PPP2R3C: variants seen among roughly 807,000 people sequenced by gnomAD.
The protein encoded by PPP2R3C is protein phosphatase 2 regulatory subunit B''gamma, also known as serine/threonine-protein phosphatase 2A regulatory subunit B'' subunit gamma.
Under a neutral mutation model 63.7 loss-of-function variants are expected in PPP2R3C, and 47 were observed. The observed-to-expected ratio is 0.74, with a 90% CI of 0.58 to 0.94. The LOEUF is 0.94. PPP2R3C is among the 40% of genes least tolerant of loss of function. PPP2R3C has a pLI of 0.00. For synonymous variants in PPP2R3C, 180 were observed against 177.4 expected, an observed-to-expected ratio of 1.01 and a Z score of -0.12; for missense variants, 421 against 518.4, an observed-to-expected ratio of 0.81 and a Z score of 1.82.
intron 10 of PPP2R3C, among the ~76,000 whole-genome samples, chr14:35,092,617 C>T (rs1320378405): frequency 6.6e-6 from 1 of 151,936 alleles, no homozygotes; most frequent in Non-Finnish European, 1.5e-5. Context: ...CAGGCATGCA[C>T]CACCACGCCT....
At chr14:35,104,086 ACTGTTTTTATAAATCAATATTG>A (rs2046275774) in intron 6 of PPP2R3C, among the ~76,000 whole-genome samples, 6 of 152,270 alleles carry the variant, frequency 3.9e-5, no homozygotes, top group Admixed American at 2.0e-4. Context: ...GTAACAGGGG[ACTGTTTTTATAAATCAATATTG>A]CTGTTTTTAT....
intron 10 of PPP2R3C, among the ~76,000 whole-genome samples, chr14:35,093,211 TAAAACA>T (rs1045818282): frequency 7.9e-5 from 12 of 151,638 alleles, no homozygotes; most frequent in East Asian, 5.8e-4. Flanking sequence ...AGACTCCATC[TAAAACA>T]AAAACAAAAA....
chr14:35,115,839 C>G (rs1194973322), intron 2 of PPP2R3C, among the ~76,000 whole-genome samples: 1 of 152,142 alleles, frequency 6.6e-6, no homozygotes, highest in African/African-American at 2.4e-5. Flanking sequence ...TCAGGCTGGT[C>G]TCGAACTCCT....
At chr14:35,095,610 A>C (rs1022310897) in intron 9 of PPP2R3C, among the ~76,000 whole-genome samples, 1 of 151,156 alleles carries the variant, frequency 6.6e-6, no homozygotes, top group Admixed American at 6.6e-5. Flanking sequence ...GAGGCTGAGG[A>C]GGGCAGATCA....
intron 11 of PPP2R3C, among the ~76,000 whole-genome samples, chr14:35,090,267 A>C (rs951328532): frequency 1.6e-5 from 2 of 121,552 alleles, no homozygotes; most frequent in Admixed American, 2.0e-4. Flanking sequence ...TTTGAGACCG[A>C]GTGTTGCTTT....
chr14:35,114,963 C>T lies in PPP2R3C; in HGVS notation c.186+1647G>A, dbSNP rs182053985. Among the ~76,000 whole-genome samples, 30 of 151,632 alleles carry T rather than the reference C, an allele frequency of 2.0e-4. No individual in the cohort carries two copies. The East Asian group carries it at 3.5e-3, about 18-fold the overall frequency. ...GAGCTGAGATCGTGCCATTGCACTC[C>T]GGCCTGGGCAACAGAGTGAGACTCC... On this transcript the variant is annotated intron_variant, in intron 2 of 12. Coordinates refer to ENST00000261475, the MANE Select transcript of PPP2R3C (RefSeq NM_017917.4).
At chr14:35,119,365 T>C (rs1041620372) in intron 1 of PPP2R3C, among the ~76,000 whole-genome samples, 1 of 151,948 alleles carries the variant, frequency 6.6e-6, no homozygotes, top group Non-Finnish European at 1.5e-5. Flanking sequence ...AGACAGGGTC[T>C]GGCTCTTGTC....
intron 5 of PPP2R3C, 65 bp from the exon 6 acceptor site, chr14:35,107,439 T>C: frequency 1.5e-6 from 2 of 1,307,152 alleles, no homozygotes; most frequent in Non-Finnish European, 2.2e-6. Flanking sequence ...AAAAAGGAGA[T>C]AAAGAGCCAG....
chr14:35,096,650 A>T lies in PPP2R3C; in HGVS notation c.763-17T>A, dbSNP rs17091786. 0.19 allele frequency: 307,787 copies of T among 1,611,094 alleles called. 31,919 individuals are homozygous for T. The highest frequency in any genetic ancestry group is 0.34 in the East Asian group (15,127 of 44,776). On this transcript the variant is annotated splice_polypyrimidine_tract_variant and intron_variant, in intron 8 of 12. Transcript: ENST00000261475. ...ATCCCTTAGCTAATGGAACACAAAG[A>T]CATAATTAGAAGATAGCAACTGTCA...
Position 35,085,630 on chromosome 14 carries a change from G to C in PPP2R3C, c.1322C>G (p.Ala441Gly), listed in dbSNP as rs61754151. The C allele has an allele frequency of 1.9e-6, 3 of 1,612,394 alleles. No homozygotes were observed. The highest frequency in any genetic ancestry group is 2.5e-6 in the Non-Finnish European group (3 of 1,179,504). Residue 441 changes from alanine (A) to glycine (G), a missense_variant, in exon 13 of 13, where the codon GCA becomes GGA. Physicochemically the swap from Ala to Gly is moderately conservative, Grantham distance 60 (BLOSUM62 0). This residue lies in a region of PPP2R3C where 231 missense variants were observed against 264.8 expected (regional missense o/e 0.87). Transcript: ENST00000261475. ...GTCTGCAGAGTTTTCACTGTCATTTGCAACAAGAGCCTCTCTGTTCTCGTA... is the reference window on the plus strand; with the variant it reads ...GTCTGCAGAGTTTTCACTGTCATTTCCAACAAGAGCCTCTCTGTTCTCGTA... Reference protein sequence around the residue: ...WTYENREALVANDSENSADLD... With the variant: ...WTYENREALVGNDSENSADLD...
chr14:35,099,830 C>CCCA (rs1410072626), intron 6 of PPP2R3C: 1 of 154,188 alleles, frequency 6.5e-6, no homozygotes, highest in East Asian at 1.9e-4. Context: ...ACCTCCGCCT[C>CCCA]CCAAGTTCAA....
chr14:35,118,673 C>T (rs1275452553), intron 1 of PPP2R3C, among the ~76,000 whole-genome samples: 4 of 39,488 alleles, frequency 1.0e-4, no homozygotes, highest in Non-Finnish European at 1.3e-4. Context: ...TTTTTTTTTC[C>T]GAGACTGAGT....
At chr14:35,108,860 TTGGCCTCCCAAAGCAC>T (rs2046449545) in intron 4 of PPP2R3C, among the ~76,000 whole-genome samples, 1 of 151,974 alleles carries the variant, frequency 6.6e-6, no homozygotes, top group South Asian at 2.1e-4. Flanking sequence ...TCCACCTGCC[TTGGCCTCCCAAAGCAC>T]TGGAATTACA....
intron 9 of PPP2R3C, among the ~76,000 whole-genome samples, 163 bp downstream of exon 9, chr14:35,096,395 C>T (rs537597273): frequency 1.3e-5 from 2 of 152,166 alleles, no homozygotes; most frequent in African/African-American, 2.4e-5. Flanking sequence ...GTTAAAACAT[C>T]GGTATTTAAA....
At chr14:35,090,442 T>G (rs948649603) in intron 11 of PPP2R3C, among the ~76,000 whole-genome samples, 2 of 151,842 alleles carry the variant, frequency 1.3e-5, no homozygotes, top group Admixed American at 1.3e-4. Context: ...GCCCAGGAGT[T>G]GGAGGTTGCG....
chr14:35,113,854 C>T (rs539988081), intron 2 of PPP2R3C, among the ~76,000 whole-genome samples: 1 of 152,238 alleles, frequency 6.6e-6, no homozygotes, highest in Non-Finnish European at 1.5e-5. Flanking sequence ...CTTTGCCCAG[C>T]CCAGCCTGCA....
chr14:35,091,074 A>G lies in PPP2R3C; in HGVS notation c.1109T>C (p.Phe370Ser), dbSNP rs2045799906. 6.2e-7 allele frequency: 1 copy of G among 1,601,514 alleles called. No homozygotes were observed. Among genetic ancestry groups the G allele is most frequent in the East Asian group, 2.2e-5 (1 of 44,772 alleles). ...ACTTATGCAAATGAGACTTACCCTA[A>G]AGAAATAATTAAGTGAAAAGACATT... ...YLNVFSLNYFFRAIQELMKIH... is the reference protein window; with the variant it reads ...YLNVFSLNYFSRAIQELMKIH... The change falls in exon 11 of 13, where the codon TTT becomes TCT. Residue 370 changes from phenylalanine (F) to serine (S), a missense_variant. By Grantham distance (155) the Phe-to-Ser change is radical (BLOSUM62 -2). Around this residue, in one of 3 missense-constraint regions of PPP2R3C, gnomAD observed 231 missense variants for 264.8 expected, o/e 0.87. Coordinates refer to ENST00000261475, the MANE Select transcript of PPP2R3C (RefSeq NM_017917.4).
chr14:35,107,269 A>C (rs1461656231), intron 6 of PPP2R3C, 35 bp downstream of exon 6: 1 of 1,486,220 alleles, frequency 6.7e-7, no homozygotes, highest in Non-Finnish European at 9.4e-7. Context: ...AGTGTCTATA[A>C]GAGTTAATAT....
At chr14:35,116,360 T>C (rs1270663191) in intron 2 of PPP2R3C, among the ~76,000 whole-genome samples, 1 of 151,542 alleles carries the variant, frequency 6.6e-6, no homozygotes, top group Non-Finnish European at 1.5e-5. Flanking sequence ...CAAGTAATCC[T>C]CCTGCTTCAG....
Sources: gnomAD v4.1 joint callset for allele counts (sites outside exome capture counted in the v4.1 genomes callset) on GRCh38, gnomAD v4.1.1 for gene constraint, gnomAD v4.1.1 regional missense constraint, MANE v1.5 for transcripts, NCBI Gene and HGNC (gene_info 2026-07-23, HGNC 2026-07-21) for gene names.